Variants in PCDH11Y observed in about 807,000 individuals in gnomAD.
PCDH11Y encodes the protein protocadherin 11 Y-linked, also known as protocadherin-11 Y-linked.
For synonymous variants in PCDH11Y, 9 were observed against 83.6 expected, an observed-to-expected ratio of 0.11 and a Z score of 4.87; for missense variants, 12 against 224.8, an observed-to-expected ratio of 0.05 and a Z score of 6.05.
intron 4 of PCDH11Y, among the ~76,000 whole-genome samples, chrY:5,587,113 A>G: frequency 1.2e-4 from 4 of 32,148 alleles, no homozygotes; most frequent in African/African-American, 4.8e-4. Context: ...CATAGGGCTC[A>G]GTATGTTGTG....
intron 4 of PCDH11Y, among the ~76,000 whole-genome samples, chrY:5,727,095 T>G: frequency 3.0e-5 from 1 of 33,158 alleles, no homozygotes. Context: ...GTACTAAGCA[T>G]GATAGGGTAA....
At chrY:5,728,102 T>A in intron 4 of PCDH11Y, among the ~76,000 whole-genome samples, 1 of 33,405 alleles carries the variant, frequency 3.0e-5, no homozygotes, top group African/African-American at 1.2e-4. Flanking sequence ...AGAATCAATA[T>A]GCTTCTTTTT....
intron 1 of PCDH11Y, among the ~76,000 whole-genome samples, chrY:5,064,428 AAATTTT>A (rs2052681451): frequency 3.3e-5 from 1 of 30,433 alleles, no homozygotes; most frequent in South Asian, 7.4e-4. Flanking sequence ...CTGTTCTATT[AAATTTT>A]GTCTAGATGT....
chrY:5,464,630 T>C, intron 2 of PCDH11Y, among the ~76,000 whole-genome samples: 3 of 32,906 alleles, frequency 9.1e-5, no homozygotes, highest in African/African-American at 3.6e-4. Flanking sequence ...GACTAGGTTG[T>C]CTTCACAGAC....
intron 4 of PCDH11Y, among the ~76,000 whole-genome samples, chrY:5,627,405 T>G (rs2053508243): frequency 5.2e-5 from 1 of 19,080 alleles, no homozygotes; most frequent in Non-Finnish European, 9.6e-5. Context: ...TTTTTTTTGG[T>G]TTTTTTTTTT....
chrY:5,046,850 A>G, intron 3 of PCDH11Y, among the ~76,000 whole-genome samples: 5 of 33,580 alleles, frequency 1.5e-4, no homozygotes, highest in Admixed American at 1.3e-3. Flanking sequence ...AAAGCGCAGT[A>G]TTCAGGTGGG....
intron 4 of PCDH11Y, among the ~76,000 whole-genome samples, chrY:5,629,372 G>A: frequency 9.0e-5 from 3 of 33,319 alleles, no homozygotes; most frequent in African/African-American, 1.2e-4. Flanking sequence ...TAACTAACAG[G>A]GATCATTACC....
At chrY:5,074,886 A>C (rs2124631205) in intron 1 of PCDH11Y, among the ~76,000 whole-genome samples, 1 of 32,339 alleles carries the variant, frequency 3.1e-5, no homozygotes, top group Admixed American at 2.9e-4. Context: ...GATACATATG[A>C]GTATATTGGT....
At chrY:5,115,907 A>AT (rs1202858565) in intron 2 of PCDH11Y, among the ~76,000 whole-genome samples, 2 of 29,990 alleles carry the variant, frequency 6.7e-5, no homozygotes, top group African/African-American at 2.7e-4. Context: ...CGCCCAGCTA[A>AT]TTTTTTGTAT....
At chrY:5,617,640 C>A (rs2053494867) in intron 4 of PCDH11Y, among the ~76,000 whole-genome samples, 2 of 32,270 alleles carry the variant, frequency 6.2e-5, no homozygotes, top group African/African-American at 2.4e-4. Flanking sequence ...CTGGAGTATC[C>A]CTAATTATAC....
intron 4 of PCDH11Y, among the ~76,000 whole-genome samples, chrY:5,584,059 G>C: frequency 3.1e-5 from 1 of 32,255 alleles, no homozygotes; most frequent in East Asian, 8.2e-4. Flanking sequence ...GATACTAGCT[G>C]TAGGTCTGTT....
intron 2 of PCDH11Y, among the ~76,000 whole-genome samples, chrY:5,476,083 T>C: frequency 3.1e-5 from 1 of 32,601 alleles, no homozygotes; most frequent in East Asian, 8.3e-4. Flanking sequence ...ACTGTGTACT[T>C]TATAAACATG....
chrY:5,215,077 G>A (rs2124651568), intron 2 of PCDH11Y, among the ~76,000 whole-genome samples: 1 of 32,790 alleles, frequency 3.0e-5, no homozygotes, highest in South Asian at 6.8e-4. Context: ...ATGGTAGGAT[G>A]AGTGATTTTC....
In PCDH11Y at chrY:5,018,604, C is replaced by A. The variant is rs1602837405; in HGVS notation, c.-133-13302C>A. On this transcript the variant is annotated intron_variant, in intron 1 of 5. Transcript: ENST00000333703. The stretch of plus-strand genomic sequence containing the variant: ...AGGGAGAATTGAGTTTATTTATAAT[C>A]CATCTGCATAATACATCTAGTTGAA... 2.8e-4 allele frequency among the ~76,000 whole-genome samples: 9 copies of A among 31,908 alleles called. No homozygotes were observed. The East Asian group carries it at 7.4e-3, about 26-fold the overall frequency. 85.6% of individuals were successfully genotyped at this position (31,908 alleles called of 37,273 possible). A position where few individuals can be genotyped will look rare whatever the true frequency, so the allele number is the denominator to read the frequency against.
intron 2 of PCDH11Y, among the ~76,000 whole-genome samples, chrY:5,300,271 T>G: frequency 3.0e-5 from 1 of 33,468 alleles, no homozygotes; most frequent in Non-Finnish European, 7.4e-5. Flanking sequence ...TCAGAATCAT[T>G]CTGCTTCTTT....
chrY:5,711,622 C>T (rs2124713101), intron 4 of PCDH11Y, among the ~76,000 whole-genome samples: 7 of 30,013 alleles, frequency 2.3e-4, no homozygotes, highest in African/African-American at 9.3e-4. Flanking sequence ...AACCCCATCT[C>T]TACTAAAAAT....
At chrY:5,386,248 T>C (rs2053215464) in intron 2 of PCDH11Y, among the ~76,000 whole-genome samples, 2 of 33,520 alleles carry the variant, frequency 6.0e-5, no homozygotes, top group Middle Eastern at 0.014. Context: ...TGTTTTCTTT[T>C]TTAGGTTACC....
intron 2 of PCDH11Y, among the ~76,000 whole-genome samples, chrY:5,213,678 T>C (rs2124651362): frequency 6.2e-5 from 2 of 32,176 alleles, no homozygotes; most frequent in Admixed American, 5.6e-4. Flanking sequence ...CACACATCCT[T>C]CAGAGGGAGG....
intron 2 of PCDH11Y, among the ~76,000 whole-genome samples, chrY:5,351,295 A>AGTGTGTGT (rs756307805): frequency 1.4e-4 from 3 of 21,948 alleles, no homozygotes; most frequent in Admixed American, 8.7e-4. Flanking sequence ...ATATGTGGGG[A>AGTGTGTGT]GTGTGTGTGT....
Sources: allele counts gnomAD v4.1 joint callset (sites outside exome capture counted in the v4.1 genomes callset), GRCh38; gene constraint gnomAD v4.1.1; transcripts MANE v1.5; gene names NCBI Gene and HGNC (gene_info 2026-07-23, HGNC 2026-07-21).